FYN: variants seen among roughly 807,000 people sequenced by gnomAD.
FYN encodes the protein FYN proto-oncogene, Src family tyrosine kinase.
A neutral mutation model predicts 70.2 loss-of-function variants in FYN; 10 were observed. That is an observed-to-expected ratio of 0.14 (90% CI 0.09 to 0.24). The LOEUF is 0.24. Ranked by LOEUF, FYN falls within the 10% of genes least tolerant of loss-of-function variation. The pLI is 1.00. For missense variants in FYN, 319 were observed against 673.1 expected, an observed-to-expected ratio of 0.47 and a Z score of 5.82; for synonymous variants, 236 against 248.6, an observed-to-expected ratio of 0.95 and a Z score of 0.48.
chr6:111,689,904 G>A (rs993269717), intron 12 of FYN, among the ~76,000 whole-genome samples: 10 of 152,080 alleles, frequency 6.6e-5, no homozygotes, highest in Admixed American at 1.3e-4. Flanking sequence ...AGATTTGTTC[G>A]TTTTACTGTA....
At chr6:111,803,438 A>G (rs1772052077) in intron 2 of FYN, among the ~76,000 whole-genome samples, 1 of 151,782 alleles carries the variant, frequency 6.6e-6, no homozygotes, top group African/African-American at 2.4e-5. Flanking sequence ...TTCCTAAACT[A>G]CTCTGAATTG....
intron 3 of FYN, among the ~76,000 whole-genome samples, chr6:111,737,809 T>A (rs1801774830): frequency 6.6e-6 from 1 of 152,226 alleles, no homozygotes; most frequent in Admixed American, 6.5e-5. Context: ...CGTTTACTAC[T>A]TTGGAGATTC....
intron 4 of FYN, 117 bp from the exon 5 acceptor site, chr6:111,714,560 A>G: frequency 1.3e-6 from 1 of 751,180 alleles, no homozygotes; most frequent in South Asian, 1.6e-5. Flanking sequence ...AGCACTAATA[A>G]CATGATGAAG....
chr6:111,750,928 T>C (rs976633039), intron 3 of FYN, among the ~76,000 whole-genome samples: 59 of 152,142 alleles, frequency 3.9e-4, no homozygotes, highest in African/African-American at 1.4e-3. Flanking sequence ...GTCGTAGACA[T>C]GAATGAGTGC....
intron 2 of FYN, among the ~76,000 whole-genome samples, chr6:111,835,402 A>G (rs1773148950): frequency 6.6e-6 from 1 of 152,278 alleles, no homozygotes; most frequent in African/African-American, 2.4e-5. Context: ...TGTTAGGAAT[A>G]ATGCTCAAAA....
intron 1 of FYN, among the ~76,000 whole-genome samples, chr6:111,867,458 GAAAAA>G (rs373634134): frequency 2.8e-5 from 2 of 70,484 alleles, no homozygotes; most frequent in Admixed American, 1.5e-4. Context: ...TCCGTCTCGG[GAAAAA>G]AAAAAAAAAA....
At chr6:111,835,910 G>A (rs188266944) in intron 2 of FYN, among the ~76,000 whole-genome samples, 15 of 152,312 alleles carry the variant, frequency 9.8e-5, no homozygotes, top group Admixed American at 5.2e-4. Flanking sequence ...CCCACAGGAT[G>A]AATGTGAAAA....
chr6:111,791,833 T>C (rs1771633816), intron 2 of FYN, among the ~76,000 whole-genome samples: 1 of 152,192 alleles, frequency 6.6e-6, no homozygotes, highest in African/African-American at 2.4e-5. Context: ...ACAATGGGTA[T>C]CCGTATGAAA....
chr6:111,798,343 T>C (rs1166794879), intron 2 of FYN: 2 of 152,216 alleles, frequency 1.3e-5, no homozygotes, highest in Non-Finnish European at 2.9e-5. Flanking sequence ...ATTCATATAT[T>C]CCTAAACTCG....
intron 3 of FYN, among the ~76,000 whole-genome samples, chr6:111,765,597 C>G (rs533242449): frequency 6.6e-6 from 1 of 152,096 alleles, no homozygotes; most frequent in Non-Finnish European, 1.5e-5. Context: ...ATTTCTCTGG[C>G]GTGTGTTATC....
intron 13 of FYN, among the ~76,000 whole-genome samples, chr6:111,666,848 T>A (rs145971602): frequency 3.3e-5 from 5 of 152,022 alleles, no homozygotes; most frequent in African/African-American, 1.2e-4. Flanking sequence ...TGTGTGGGGG[T>A]CTGCCTTCGA....
intron 2 of FYN, among the ~76,000 whole-genome samples, chr6:111,842,000 C>T (rs1562541387): frequency 6.6e-6 from 1 of 152,060 alleles, no homozygotes; most frequent in Non-Finnish European, 1.5e-5. Context: ...CACACACACA[C>T]ACACACACAC....
Position 111,702,951 on chromosome 6 carries a change from C to T in FYN, c.631G>A (p.Gly211Ser), listed in dbSNP as rs1799908035. The stretch of plus-strand genomic sequence containing the variant: ...GCCCGGGTGGTAATGTAGTATCCAC[C>T]ATTGTCAAGTTTGCGAATTTTATAA... Reference protein sequence around the residue: ...KHYKIRKLDNGGYYITTRAQF... With the variant: ...KHYKIRKLDNSGYYITTRAQF... The change falls in exon 8 of 14, where the codon GGT becomes AGT. Residue 211 changes from glycine (G) to serine (S), a missense_variant. Gly to Ser is a moderately conservative substitution (Grantham distance 56). Transcript: ENST00000354650. The T allele has an allele frequency of 1.2e-6, 2 of 1,614,088 alleles. No homozygotes were observed. The highest frequency in any genetic ancestry group is 1.3e-5 in the African/African-American group (1 of 75,026).
intron 2 of FYN, among the ~76,000 whole-genome samples, chr6:111,820,460 A>C (rs996260408): frequency 6.6e-6 from 1 of 152,134 alleles, no homozygotes; most frequent in Admixed American, 6.5e-5. Flanking sequence ...AAGCAAAATT[A>C]ATATATTACT....
chr6:111,703,032 C>A lies in FYN; in HGVS notation c.550G>T (p.Ala184Ser). The change falls in exon 8 of 14, where the codon GCC becomes TCC. Residue 184 changes from alanine (A) to serine (S), a missense_variant and splice_region_variant. This residue lies in a region of FYN where 112 missense variants were observed against 250.2 expected (regional missense o/e 0.45). Coordinates refer to ENST00000354650, the MANE Select transcript of FYN (RefSeq NM_002037.5). Reference protein sequence around the residue: ...LIRESETTKGAYSLSIRDWDD... With the variant: ...LIRESETTKGSYSLSIRDWDD... ...CAATCACGGATAGAAAGTGAATAGG[C>A]ACCTGGTAAACGTGGAAAGCATTAG... is the stretch of plus-strand genomic sequence containing the variant. 1 of 1,613,604 alleles carries A rather than the reference C, an allele frequency of 6.2e-7. No individual in the cohort carries two copies. The highest frequency in any genetic ancestry group is 8.5e-7 in the Non-Finnish European group (1 of 1,179,764).
At chr6:111,687,542 A>T (rs1799062737) in intron 12 of FYN, among the ~76,000 whole-genome samples, 1 of 139,490 alleles carries the variant, frequency 7.2e-6, no homozygotes, top group Non-Finnish European at 1.5e-5. Context: ...TGATAGAGGC[A>T]GAGCCTCCAT....
At chr6:111,806,425 T>C (rs1418187067) in intron 2 of FYN, among the ~76,000 whole-genome samples, 1 of 152,110 alleles carries the variant, frequency 6.6e-6, no homozygotes, top group Non-Finnish European at 1.5e-5. Context: ...CCTGGAAGGA[T>C]CCCTGTCCCT....
Position 111,678,106 on chromosome 6 carries a change from A to ATGTGTGTGTGTG in FYN, c.1274-3477_1274-3476insCACACACACACA, listed in dbSNP as rs201367268. Among the ~76,000 whole-genome samples the ATGTGTGTGTGTG allele has an allele frequency of 5.6e-4, 66 of 118,602 alleles. 1 individual carries two copies. The highest frequency in any genetic ancestry group is 2.6e-3 in the African/African-American group (60 of 22,920). The allele number at this position is 118,602 out of a possible 152,430, so 77.8% of individuals were successfully genotyped here. ...GATAAGCCAATACACGAAGGCCATA[A>ATGTGTGTGTGTG]TATGTGTGTGTGTGTGTGTGTGTGT... On this transcript the variant is annotated intron_variant, in intron 12 of 13. Coordinates refer to ENST00000354650, the MANE Select transcript of FYN (RefSeq NM_002037.5).
intron 3 of FYN, among the ~76,000 whole-genome samples, chr6:111,753,002 G>A (rs1802555229): frequency 6.6e-6 from 1 of 152,086 alleles, no homozygotes; most frequent in Non-Finnish European, 1.5e-5. Flanking sequence ...TAACTTGAAT[G>A]CCCCCAAAAT....
Sources: allele counts gnomAD v4.1 joint callset (sites outside exome capture counted in the v4.1 genomes callset), GRCh38; gene constraint gnomAD v4.1.1; regional missense constraint gnomAD v4.1.1; transcripts MANE v1.5; gene names NCBI Gene and HGNC (gene_info 2026-07-23, HGNC 2026-07-21).